The following ITFG1 variants were observed in gnomAD, a reference collection of about 807,000 sequenced individuals.
ITFG1 encodes integrin alpha FG-GAP repeat containing 1.
Under a neutral mutation model 81.8 loss-of-function variants are expected in ITFG1, and 34 were observed. That is an observed-to-expected ratio of 0.42 (90% CI 0.32 to 0.55). The LOEUF (loss-of-function observed/expected upper bound fraction) is 0.55. ITFG1 is among the 20% of genes least tolerant of loss of function. The pLI is 0.17. For missense variants in ITFG1, 672 were observed against 755.4 expected (o/e 0.89, Z 1.29); for synonymous variants, 285 against 270.6 (o/e 1.05, Z -0.52).
intron 5 of ITFG1, among the ~76,000 whole-genome samples, chr16:47,446,526 A>G (rs1969326763): frequency 6.6e-6 from 1 of 152,164 alleles, no homozygotes; most frequent in East Asian, 1.9e-4. Flanking sequence ...AGCACTGACT[A>G]CTAATACAGG....
chr16:47,251,501 T>G (rs184498895), intron 12 of ITFG1, among the ~76,000 whole-genome samples: 27 of 141,356 alleles, frequency 1.9e-4, no homozygotes, highest in Non-Finnish European at 3.1e-4. Context: ...AAACTCCTCA[T>G]GCACAAGAAG....
At chr16:47,190,416 A>C (rs970038205) in intron 14 of ITFG1, among the ~76,000 whole-genome samples, 1 of 152,206 alleles carries the variant, frequency 6.6e-6, no homozygotes, top group Non-Finnish European at 1.5e-5. Context: ...CAACTTGGAG[A>C]GACCTAGAGG....
chr16:47,185,863 C>G (rs1482393958), intron 14 of ITFG1, among the ~76,000 whole-genome samples: 1 of 151,934 alleles, frequency 6.6e-6, no homozygotes, highest in Non-Finnish European at 1.5e-5. Context: ...AGACCGCTAG[C>G]AAGACTAATA....
chr16:47,436,705 T>C (rs1160846384), intron 5 of ITFG1, among the ~76,000 whole-genome samples: 1 of 152,092 alleles, frequency 6.6e-6, no homozygotes, highest in Non-Finnish European at 1.5e-5. Flanking sequence ...TGTAGTCAAA[T>C]ATAAAAAAAT....
At chr16:47,437,018 T>C (rs959663598) in intron 5 of ITFG1, among the ~76,000 whole-genome samples, 17 of 152,258 alleles carry the variant, frequency 1.1e-4, no homozygotes, top group Non-Finnish European at 2.1e-4. Flanking sequence ...ATCTTTTTAT[T>C]GTATCTTTGC....
intron 6 of ITFG1, among the ~76,000 whole-genome samples, chr16:47,391,094 T>A (rs1178010792): frequency 2.6e-5 from 4 of 152,030 alleles, no homozygotes; most frequent in Admixed American, 2.6e-4. Context: ...GCACAGGGAC[T>A]ATCTGGACAC....
At chr16:47,402,463 G>T (rs1021442977) in intron 6 of ITFG1, among the ~76,000 whole-genome samples, 2 of 152,144 alleles carry the variant, frequency 1.3e-5, no homozygotes, top group East Asian at 3.9e-4. Context: ...AAAGGGACTT[G>T]CCCAAAATCA....
chr16:47,211,921 T>C (rs1327387615), intron 14 of ITFG1, among the ~76,000 whole-genome samples: 3 of 152,012 alleles, frequency 2.0e-5, no homozygotes, highest in Non-Finnish European at 4.4e-5. Context: ...CACTAATTTT[T>C]TTTCTTTCTT....
rs186657113 is a variant in ITFG1 at position 47,354,932 on chromosome 16, T to C, written c.802+10856A>G. Among the ~76,000 whole-genome samples the C allele has an allele frequency of 3.9e-5, 6 of 152,130 alleles. No homozygotes were observed. The East Asian group carries it at 1.2e-3, about 29-fold the overall frequency. On this transcript the variant is annotated intron_variant, in intron 8 of 17. Coordinates refer to ENST00000320640, the MANE Select transcript of ITFG1 (RefSeq NM_030790.5). ...GTGGAGAACAGGGAACCCTGACATA[T>C]TGTTGGTGGGAATGTAAATTAGTAC... is the stretch of plus-strand genomic sequence containing the variant.
At chr16:47,453,579 A>G (rs1465711583) in intron 3 of ITFG1, among the ~76,000 whole-genome samples, 1 of 152,232 alleles carries the variant, frequency 6.6e-6, no homozygotes, top group Non-Finnish European at 1.5e-5. Context: ...ATTTGGGAGT[A>G]TCAAGAGACC....
chr16:47,432,267 C>CAT (rs1354774326), intron 5 of ITFG1, among the ~76,000 whole-genome samples: 1 of 152,168 alleles, frequency 6.6e-6, no homozygotes, highest in African/African-American at 2.4e-5. Flanking sequence ...ATGTCATCTC[C>CAT]ATAGAGCAAT....
chr16:47,290,727 T>C (rs1966895231), intron 10 of ITFG1, among the ~76,000 whole-genome samples: 1 of 152,184 alleles, frequency 6.6e-6, no homozygotes, highest in South Asian at 2.1e-4. Context: ...GTAGTAGGTA[T>C]AGATGGGCCA....
At chr16:47,236,042 G>A (rs1016483302) in intron 13 of ITFG1, among the ~76,000 whole-genome samples, 10 of 152,128 alleles carry the variant, frequency 6.6e-5, no homozygotes, top group Admixed American at 3.9e-4. Flanking sequence ...GGTGCTGGGC[G>A]GTAATGGTAA....
At chr16:47,276,955 GATC>G (rs1966404093) in intron 10 of ITFG1, among the ~76,000 whole-genome samples, 1 of 152,106 alleles carries the variant, frequency 6.6e-6, no homozygotes, top group Admixed American at 6.5e-5. Flanking sequence ...CCACAAGATA[GATC>G]ATTATTACCT....
At chr16:47,436,280 T>TATA (rs571310593) in intron 5 of ITFG1, among the ~76,000 whole-genome samples, 1 of 152,082 alleles carries the variant, frequency 6.6e-6, no homozygotes, top group African/African-American at 2.4e-5. Flanking sequence ...AAACTTAAAG[T>TATA]ATAATAATAA....
At chr16:47,246,887 C>T (rs377575817) in intron 12 of ITFG1, among the ~76,000 whole-genome samples, 1 of 152,150 alleles carries the variant, frequency 6.6e-6, no homozygotes, top group African/African-American at 2.4e-5. Context: ...ACTGCAACCT[C>T]TACCTCCTGT....
chr16:47,452,722 C>G lies in ITFG1; in HGVS notation c.485+11G>C. 6.4e-7 allele frequency: 1 copy of G among 1,560,842 alleles called. No homozygotes were observed. The highest frequency in any genetic ancestry group is 1.2e-5 in the South Asian group (1 of 85,710). ...TTAAAATCGTTTCAAAGGAAGCAAG[C>G]CCATACTTACTCCATAATTAGTGGC... On this transcript the variant is annotated intron_variant, in intron 4 of 17. Coordinates refer to ENST00000320640, the MANE Select transcript of ITFG1 (RefSeq NM_030790.5).
At chr16:47,347,500 G>A (rs1171546358) in intron 8 of ITFG1, among the ~76,000 whole-genome samples, 1 of 152,250 alleles carries the variant, frequency 6.6e-6, no homozygotes, top group Admixed American at 6.5e-5. Flanking sequence ...CTGCGGGAGG[G>A]GCGCCCACCA....
chr16:47,315,737 C>A (rs958313631), intron 8 of ITFG1, among the ~76,000 whole-genome samples: 3 of 146,780 alleles, frequency 2.0e-5, no homozygotes, highest in Non-Finnish European at 4.4e-5. Context: ...AACTCAATCA[C>A]AAAATGTGTT....
Sources: gnomAD v4.1 joint callset for allele counts (sites outside exome capture counted in the v4.1 genomes callset) on GRCh38, gnomAD v4.1.1 for gene constraint, MANE v1.5 for transcripts, NCBI Gene and HGNC (gene_info 2026-07-23, HGNC 2026-07-21) for gene names.